Variants in PPIE observed in about 807,000 individuals in gnomAD.
The protein encoded by PPIE is peptidylprolyl isomerase E.
A neutral mutation model predicts 38.4 loss-of-function variants in PPIE; 20 were observed. The observed-to-expected ratio is 0.52, with a 90% CI of 0.37 to 0.76. The LOEUF (loss-of-function observed/expected upper bound fraction) is 0.76, where lower values mean the gene tolerates loss of function less well. PPIE is among the 30% of genes least tolerant of loss of function. The pLI is 0.00. For synonymous variants in PPIE, 142 were observed against 135.7 expected, an observed-to-expected ratio of 1.05 and a Z score of -0.32; for missense variants, 322 against 385.8, an observed-to-expected ratio of 0.83 and a Z score of 1.39.
At chr1:39,763,063 G>T in intron 9 of PPIE, 1 of 1,609,802 alleles carries the variant, frequency 6.2e-7, no homozygotes. Flanking sequence ...CCACCCCAGG[G>T]GGCTGGGCAG....
chr1:39,751,196 A>G (rs1487865512), intron 8 of PPIE, among the ~76,000 whole-genome samples: 4 of 152,232 alleles, frequency 2.6e-5, no homozygotes, highest in Non-Finnish European at 5.9e-5. Flanking sequence ...TAATCTGTTT[A>G]TTTACATAGT....
chr1:39,743,633 T>C (rs1007768841), intron 5 of PPIE, among the ~76,000 whole-genome samples, 191 bp from the exon 6 acceptor site: 16 of 152,226 alleles, frequency 1.1e-4, no homozygotes, highest in African/African-American at 3.1e-4. Context: ...GCTATTTTCC[T>C]TAGCCCTACT....
At chr1:39,742,818 T>C (rs889618617) in intron 4 of PPIE, 2 of 154,426 alleles carry the variant, frequency 1.3e-5, no homozygotes, top group African/African-American at 4.8e-5. Context: ...CCGATTATCT[T>C]TGGATAATGA....
downstream of PPIE, chr1:39,760,341 TG>T: frequency 6.3e-7 from 1 of 1,589,236 alleles, no homozygotes; most frequent in Non-Finnish European, 8.5e-7. Flanking sequence ...GGGGTCTGGC[TG>T]GGTTTGAGGG....
chr1:39,746,267 C>G (rs1362645188), intron 7 of PPIE: 2 of 152,190 alleles, frequency 1.3e-5, no homozygotes, highest in East Asian at 3.8e-4. Flanking sequence ...TGATAACCTC[C>G]TTTCATGCAC....
downstream of PPIE, chr1:39,760,170 G>T: frequency 8.1e-6 from 5 of 620,684 alleles, no homozygotes; most frequent in East Asian, 3.1e-5. Context: ...AGAGGCGTTT[G>T]CATTTGGGTA....
At position 39,755,235 on chromosome 1, in the gene PPIE, C is replaced by A; in HGVS notation, c.*1880C>A. 1.0e-6 allele frequency: 1 copy of A among 985,460 alleles called. No individual in the cohort carries two copies. The highest frequency in any genetic ancestry group is 1.2e-6 in the Non-Finnish European group (1 of 829,948). 61.0% of individuals were successfully genotyped at this position (985,460 alleles called of 1,614,324 possible). On this transcript the variant is annotated 3_prime_UTR_variant, in exon 10 of 10. Coordinates refer to ENST00000324379, the MANE Select transcript of PPIE (RefSeq NM_006112.4). ...TGGGTCACTCAGACCATTCAGAATC[C>A]ACTGAGCTGAGCTTTTGCATCTTGG...
intron 8 of PPIE, among the ~76,000 whole-genome samples, chr1:39,751,202 ATAG>A (rs1262478802): frequency 1.3e-5 from 2 of 152,260 alleles, no homozygotes; most frequent in Non-Finnish European, 2.9e-5. Context: ...GTTTATTTAC[ATAG>A]TAGTTACATT....
intron 3 of PPIE, 161 bp from the exon 4 acceptor site, chr1:39,741,734 A>G: frequency 1.3e-6 from 1 of 753,194 alleles, no homozygotes; most frequent in Non-Finnish European, 2.2e-6. Flanking sequence ...CACCAGCTCT[A>G]AAATCAGCCA....
rs866521663 is a variant in PPIE, at chr1:39,738,998, G to A, written c.31+67G>A. On this transcript the variant is annotated intron_variant, in intron 1 of 9. Coordinates refer to ENST00000324379, the MANE Select transcript of PPIE (RefSeq NM_006112.4). ...ACCCCCAAGGGTCGGGGCGTGGGGT[G>A]GGACGCATCTCTGAACCAGGAGGAC... 3 of 1,372,262 alleles carry A rather than the reference G, an allele frequency of 2.2e-6. No homozygotes were observed. The Middle Eastern group carries it at 5.8e-4, about 264-fold the overall frequency. 85.0% of individuals were successfully genotyped at this position (1,372,262 alleles called of 1,614,324 possible). A position where few individuals can be genotyped will look rare whatever the true frequency, so the allele number is the denominator to read the frequency against.
rs1299073396 is a variant in PPIE at position 39,755,485 on chromosome 1, T to G, written c.*2130T>G. ...CCTATGGAGCTTCCAAAAGAGACCC[T>G]CCCTCAAAGCACAGCCCCTTCTCTG... On this transcript the variant is annotated 3_prime_UTR_variant, in exon 10 of 10. Coordinates refer to ENST00000324379, the MANE Select transcript of PPIE (RefSeq NM_006112.4). 9 of 985,276 alleles carry G rather than the reference T, an allele frequency of 9.1e-6. No individual in the cohort carries two copies. Among genetic ancestry groups the G allele is most frequent in the Non-Finnish European group, 1.1e-5 (9 of 829,928 alleles). The allele number at this position is 985,276 out of a possible 1,614,324, so 61.0% of individuals were successfully genotyped here. A position where few individuals can be genotyped will look rare whatever the true frequency, so the allele number is the denominator to read the frequency against.
In PPIE at chr1:39,745,316, G is replaced by A. The variant is rs577330577; in HGVS notation, c.385-59G>A. 13 of 1,607,240 alleles carry A rather than the reference G, an allele frequency of 8.1e-6. No individual in the cohort carries two copies. The African/African-American group carries it at 1.3e-4, about 17-fold the overall frequency. ...TTCTGGGTGGGTGTGTAGAATACTC[G>A]CACTCCTACTTAGGGCGTCAGGGAG... On this transcript the variant is annotated intron_variant, in intron 6 of 9. Transcript: ENST00000324379.
chr1:39,748,848 T>C (rs1647390245), intron 7 of PPIE, 55 bp from the exon 8 acceptor site: 1 of 1,538,438 alleles, frequency 6.5e-7, no homozygotes, highest in Admixed American at 2.0e-5. Context: ...TTTTTCGAGG[T>C]TTTTTATTTT....
rs777957727 is a variant in PPIE, at chr1:39,763,158, C to A, written c.838-531C>A. The A allele has an allele frequency of 3.7e-6, 6 of 1,613,908 alleles. No individual in the cohort carries two copies. In the South Asian group the frequency reaches 4.4e-5, roughly 12 times the overall value. ...AGTCCAGTGGGAAGGAGCACTCCCCCTCACAGTAATAGGCCGAGTAGCCTT... is the reference window on the plus strand; with the variant it reads ...AGTCCAGTGGGAAGGAGCACTCCCCATCACAGTAATAGGCCGAGTAGCCTT... On this transcript the variant is annotated intron_variant, in intron 9 of 9. Transcript: ENST00000356511.
At position 39,754,226 on chromosome 1, in the gene PPIE, G is replaced by A. The variant is rs926547484; in HGVS notation, c.*871G>A. 4.1e-4 allele frequency: 134 copies of A among 326,256 alleles called. 1 individual carries two copies. The highest frequency in any genetic ancestry group is 9.2e-5 in the Non-Finnish European group (21 of 227,552). The allele number at this position is 326,256 out of a possible 1,614,324, so 20.2% of individuals were successfully genotyped here. ...TTACTGCAGTGGCAGAGGTGCGTAA[G>A]GGGCTATAGACACAATACAGGCTAT... On this transcript the variant is annotated 3_prime_UTR_variant, in exon 10 of 10. Transcript: ENST00000324379.
intron 4 of PPIE, chr1:39,742,375 C>G (rs1214404753): frequency 6.4e-6 from 1 of 155,440 alleles, no homozygotes; most frequent in Non-Finnish European, 1.4e-5. Flanking sequence ...AGTATTTGTG[C>G]CTTCCTTGAG....
At chr1:39,757,268 A>G (rs914892847), downstream of PPIE, 2 of 152,256 alleles carry the variant, frequency 1.3e-5, no homozygotes, top group Non-Finnish European at 2.9e-5. Flanking sequence ...GCAAATACCT[A>G]TTGTTAAGCA....
downstream of PPIE, chr1:39,761,070 C>T (rs754445609): frequency 3.1e-5 from 5 of 160,128 alleles, no homozygotes; most frequent in Non-Finnish European, 5.5e-5. Flanking sequence ...GGACTGCATC[C>T]GCCCTCAGCA....
At chr1:39,762,723 T>C in intron 9 of PPIE, 2 of 1,439,712 alleles carry the variant, frequency 1.4e-6, no homozygotes, top group Non-Finnish European at 1.8e-6. Context: ...GCCAGCGTAC[T>C]CGGCGGCCCG....
Sources: allele counts gnomAD v4.1 joint callset (sites outside exome capture counted in the v4.1 genomes callset), GRCh38; gene constraint gnomAD v4.1.1; transcripts MANE v1.5; gene names NCBI Gene and HGNC (gene_info 2026-07-23, HGNC 2026-07-21).